Variants in GABRB1 observed in about 807,000 individuals in gnomAD.
GABRB1 encodes gamma-aminobutyric acid receptor subunit beta-1.
Under a neutral mutation model 51.6 loss-of-function variants are expected in GABRB1, and 17 were observed. The observed-to-expected ratio is 0.33, with a 90% confidence interval of 0.23 to 0.49. The LOEUF is 0.49. Ranked by LOEUF, GABRB1 falls within the 20% of genes least tolerant of loss-of-function variation. The pLI is 0.99. For missense variants in GABRB1, 410 were observed against 600.6 expected, an observed-to-expected ratio of 0.68 and a Z score of 3.32; for synonymous variants, 247 against 218.9, an observed-to-expected ratio of 1.13 and a Z score of -1.14.
chr4:47,078,674 G>C (rs1727677461), intron 3 of GABRB1, among the ~76,000 whole-genome samples: 1 of 152,134 alleles, frequency 6.6e-6, no homozygotes, highest in Admixed American at 6.5e-5. Context: ...TGAGCCTGAG[G>C]ATACCTTTTT....
chr4:47,397,805 C>T (rs1728230649), intron 5 of GABRB1, among the ~76,000 whole-genome samples: 2 of 151,836 alleles, frequency 1.3e-5, no homozygotes, highest in South Asian at 2.1e-4. Flanking sequence ...ACTCCTGATC[C>T]CAAGTGATCT....
At chr4:47,025,880 C>T (rs184072690) in intron 1 of GABRB1, among the ~76,000 whole-genome samples, 3 of 151,944 alleles carry the variant, frequency 2.0e-5, no homozygotes, top group East Asian at 1.9e-4. Context: ...TTACTACTTC[C>T]GTTTTTTTTG....
At chr4:47,128,061 A>C (rs929319211) in intron 3 of GABRB1, among the ~76,000 whole-genome samples, 1 of 151,768 alleles carries the variant, frequency 6.6e-6, no homozygotes, top group Non-Finnish European at 1.5e-5. Context: ...TTCCAGTGAA[A>C]AGGCAGAGGG....
chr4:47,177,215 C>T (rs1718739686), intron 4 of GABRB1, among the ~76,000 whole-genome samples: 1 of 152,080 alleles, frequency 6.6e-6, no homozygotes, highest in Non-Finnish European at 1.5e-5. Flanking sequence ...AAGATTGTCT[C>T]TCTTAGACCT....
In GABRB1 at chr4:47,273,864, T is replaced by TACGCACATAC. The variant is rs1553869411; in HGVS notation, c.462-46261_462-46260insGCACATACAC. ...TGTTTGAAAGTAAACCATATATACA[T>TACGCACATAC]ACACACACACACACACACACACACA... On this transcript the variant is annotated intron_variant, in intron 4 of 8. Transcript: ENST00000295454. Among the ~76,000 whole-genome samples the TACGCACATAC allele has an allele frequency of 2.5e-5, 3 of 122,420 alleles. No individual in the cohort carries two copies. The East Asian group carries it at 6.1e-4, about 25-fold the overall frequency. 80.3% of individuals were successfully genotyped at this position (122,420 alleles called of 152,430 possible).
intron 4 of GABRB1, among the ~76,000 whole-genome samples, chr4:47,286,752 G>A (rs1342465754): frequency 6.6e-6 from 1 of 152,128 alleles, no homozygotes; most frequent in Admixed American, 6.6e-5. Flanking sequence ...CATATGATGT[G>A]TTCAATGTAG....
chr4:47,362,326 A>T lies in GABRB1; in HGVS notation c.545-40992A>T, dbSNP rs1236193768. ...TAAATGGACACAGGAATTATGGATA[A>T]CTCTAGAAATTTGGCTATGGATGAG... On this transcript the variant is annotated intron_variant, in intron 5 of 8. Coordinates refer to ENST00000295454, the MANE Select transcript of GABRB1 (RefSeq NM_000812.4). 2.0e-5 allele frequency among the ~76,000 whole-genome samples: 3 copies of T among 152,198 alleles called. No homozygotes were observed. In the East Asian group the frequency reaches 5.8e-4, roughly 29 times the overall value.
At chr4:47,202,308 T>C (rs372655766) in intron 4 of GABRB1, among the ~76,000 whole-genome samples, 5 of 152,118 alleles carry the variant, frequency 3.3e-5, no homozygotes, top group East Asian at 1.9e-4. Flanking sequence ...TCTGCCATGA[T>C]TGTAAGTTTC....
chr4:47,171,181 A>G (rs892117269), intron 4 of GABRB1, among the ~76,000 whole-genome samples: 14 of 152,126 alleles, frequency 9.2e-5, no homozygotes, highest in African/African-American at 3.4e-4. Flanking sequence ...GATTAAATAC[A>G]AACAGTAACC....
At chr4:47,086,567 A>G (rs564360597) in intron 3 of GABRB1, among the ~76,000 whole-genome samples, 4 of 152,346 alleles carry the variant, frequency 2.6e-5, no homozygotes, top group Non-Finnish European at 4.4e-5. Flanking sequence ...AACTTTATTA[A>G]CAAAGAGGTT....
intron 3 of GABRB1, among the ~76,000 whole-genome samples, chr4:47,139,841 C>T (rs192794937): frequency 1.3e-4 from 20 of 151,998 alleles, no homozygotes; most frequent in Admixed American, 3.9e-4. Context: ...CAAGCTCCGA[C>T]GTTACGTTGA....
At chr4:47,418,192 A>C (rs1375037251) in intron 8 of GABRB1, among the ~76,000 whole-genome samples, 1 of 152,218 alleles carries the variant, frequency 6.6e-6, no homozygotes, top group African/African-American at 2.4e-5. Context: ...GAGAAACAGA[A>C]CCAATAGAAA....
In GABRB1 at chr4:47,193,313, G is replaced by A. The variant is rs182553107; in HGVS notation, c.461+31844G>A. ...AATTTTGCATTTTTAGTAGAGACAG[G>A]ATTTCTCCACATTGGTCAGGCTGAT... On this transcript the variant is annotated intron_variant, in intron 4 of 8. Transcript: ENST00000295454. 2.9e-3 allele frequency among the ~76,000 whole-genome samples: 439 copies of A among 152,264 alleles called. 2 individuals carry two copies. Among genetic ancestry groups the A allele is most frequent in the African/African-American group, 1.0e-2 (415 of 41,544 alleles).
At chr4:47,377,264 CT>C (rs1349464779) in intron 5 of GABRB1, among the ~76,000 whole-genome samples, 3 of 152,212 alleles carry the variant, frequency 2.0e-5, no homozygotes, top group Non-Finnish European at 4.4e-5. Context: ...CTGCCTCAGC[CT>C]CCTGAGTAGC....
At chr4:47,320,100 T>C (rs1453256018) in intron 4 of GABRB1, 27 bp from the exon 5 acceptor site, 1 of 1,446,702 alleles carries the variant, frequency 6.9e-7, no homozygotes, top group African/African-American at 1.4e-5. Context: ...TTGTAATGTT[T>C]TCTTTTTTCT....
chr4:47,272,608 A>G (rs1471758939), intron 4 of GABRB1, among the ~76,000 whole-genome samples: 1 of 152,160 alleles, frequency 6.6e-6, no homozygotes, highest in Non-Finnish European at 1.5e-5. Context: ...AGGAGGGAAA[A>G]AATTAAAAAT....
intron 4 of GABRB1, among the ~76,000 whole-genome samples, chr4:47,247,382 C>T (rs1475624312): frequency 2.6e-5 from 4 of 151,882 alleles, no homozygotes; most frequent in African/African-American, 4.8e-5. Context: ...GGTCTGTGTG[C>T]CTATTTTTAT....
intron 3 of GABRB1, among the ~76,000 whole-genome samples, chr4:47,080,744 A>C (rs1379497198): frequency 6.6e-6 from 1 of 152,148 alleles, no homozygotes; most frequent in Non-Finnish European, 1.5e-5. Flanking sequence ...TAAGGTCGTC[A>C]ATAGACAAAT....
chr4:47,410,132 C>T (rs1728710625), intron 8 of GABRB1, among the ~76,000 whole-genome samples: 3 of 152,210 alleles, frequency 2.0e-5, no homozygotes, highest in Non-Finnish European at 2.9e-5. Context: ...AAAGAAATTC[C>T]TCAACTGTCA....
Sources: allele counts gnomAD v4.1 joint callset (sites outside exome capture counted in the v4.1 genomes callset), GRCh38; gene constraint gnomAD v4.1.1; transcripts MANE v1.5; gene names NCBI Gene and HGNC (gene_info 2026-07-23, HGNC 2026-07-21).